Variants in PRKCE observed in about 807,000 individuals in gnomAD.
PRKCE encodes the protein protein kinase C epsilon type.
In PRKCE, 16 loss-of-function variants were observed where a neutral mutation model predicts 85.4. The ratio of observed to expected loss-of-function variants is 0.19; its 90% CI spans 0.13 to 0.28. The LOEUF (loss-of-function observed/expected upper bound fraction) is 0.28, where lower values mean the gene tolerates loss of function less well. Ranked by LOEUF, PRKCE falls within the 10% of genes least tolerant of loss-of-function variation. The probability of loss-of-function intolerance (pLI) is 1.00; values close to 1 mark genes in which losing one functional copy is unlikely to be tolerated. For synonymous variants in PRKCE, 388 were observed against 371.5 expected, an observed-to-expected ratio of 1.04 and a Z score of -0.51; for missense variants, 573 against 975.2, an observed-to-expected ratio of 0.59 and a Z score of 5.49.
chr2:46,008,742 T>TA (rs1299847840), intron 9 of PRKCE, among the ~76,000 whole-genome samples: 2 of 152,140 alleles, frequency 1.3e-5, no homozygotes, highest in Non-Finnish European at 2.9e-5. Flanking sequence ...ACTGACTAAA[T>TA]AAAAAGAGGT....
intron 14 of PRKCE, among the ~76,000 whole-genome samples, chr2:46,171,308 T>G (rs936906560): frequency 1.3e-5 from 2 of 152,062 alleles, no homozygotes; most frequent in Middle Eastern, 3.2e-3. Context: ...GCCCCTAATG[T>G]CTACGAAATA....
chr2:45,928,219 C>A (rs1698773909), intron 2 of PRKCE, among the ~76,000 whole-genome samples: 1 of 152,174 alleles, frequency 6.6e-6, no homozygotes, highest in African/African-American at 2.4e-5. Context: ...TGGTGTGTGA[C>A]CATGGGTATA....
Position 46,145,021 on chromosome 2 carries a change from A to G in PRKCE, c.1593-72A>G. Reference sequence around the variant, plus strand: ...CTGGAGATTTCCCTAAGATAGGCACATACCTCCAACTCAGGAAGACTATAT... The same window carrying G: ...CTGGAGATTTCCCTAAGATAGGCACGTACCTCCAACTCAGGAAGACTATAT... On this transcript the variant is annotated intron_variant, in intron 11 of 14. Transcript: ENST00000306156. The surrounding 1 kb of genome is among the most constrained non-coding windows in gnomAD (Gnocchi z 4.6). The G allele has an allele frequency of 1.9e-6, 3 of 1,582,122 alleles. No individual in the cohort carries two copies. The highest frequency in any genetic ancestry group is 2.6e-6 in the Non-Finnish European group (3 of 1,166,774).
At chr2:45,728,963 A>C (rs7592391) in intron 1 of PRKCE, among the ~76,000 whole-genome samples, 4,979 of 152,236 alleles carry the variant, frequency 0.033, 235 homozygotes, top group African/African-American at 0.097. Flanking sequence ...GCTGTGCTGC[A>C]CTGTGTTTGC....
At chr2:45,793,606 T>C (rs966852083) in intron 1 of PRKCE, among the ~76,000 whole-genome samples, 1 of 152,252 alleles carries the variant, frequency 6.6e-6, no homozygotes, top group African/African-American at 2.4e-5. Context: ...TCTGATGCTC[T>C]GGCCTTTGAG....
chr2:45,712,857 G>A (rs922701320), intron 1 of PRKCE, among the ~76,000 whole-genome samples: 2 of 152,140 alleles, frequency 1.3e-5, no homozygotes, highest in East Asian at 1.9e-4. Flanking sequence ...CTTGGAGGGC[G>A]GGGACCATGT....
chr2:45,687,678 G>T (rs1407196015), intron 1 of PRKCE, among the ~76,000 whole-genome samples: 1 of 152,200 alleles, frequency 6.6e-6, no homozygotes, highest in African/African-American at 2.4e-5. Flanking sequence ...GGTGGCAATA[G>T]GGATTCTAGT....
At chr2:46,058,658 A>G (rs1666833092) in intron 10 of PRKCE, among the ~76,000 whole-genome samples, 1 of 152,132 alleles carries the variant, frequency 6.6e-6, no homozygotes, top group Non-Finnish European at 1.5e-5. Flanking sequence ...AGTCTTCCAG[A>G]TGTCCCAAAT....
intron 10 of PRKCE, among the ~76,000 whole-genome samples, chr2:46,044,415 T>G (rs753742487): frequency 6.6e-6 from 1 of 152,184 alleles, no homozygotes; most frequent in Non-Finnish European, 1.5e-5. Flanking sequence ...GCTGAGCTCA[T>G]CTGGTGCTTT....
At position 45,978,968 on chromosome 2, in the gene PRKCE, C is replaced by G. The variant is rs761069011; in HGVS notation, c.573-8C>G. The G allele has an allele frequency of 2.5e-6, 4 of 1,598,172 alleles. No individual in the cohort carries two copies. Among genetic ancestry groups the G allele is most frequent in the East Asian group, 4.5e-5 (2 of 44,856 alleles). On this transcript the variant is annotated splice_region_variant and splice_polypyrimidine_tract_variant and intron_variant, in intron 3 of 14. Transcript: ENST00000306156. ...CTTTTTTTAAAAAAATGTTATTCTT[C>G]TTTTCAGGGGTGTCATAGGAAAGCA... is the stretch of plus-strand genomic sequence containing the variant.
At chr2:46,180,052 C>G (rs1400895865) in intron 14 of PRKCE, among the ~76,000 whole-genome samples, 3 of 152,204 alleles carry the variant, frequency 2.0e-5, no homozygotes, top group Non-Finnish European at 4.4e-5. Context: ...GAGTTCAACC[C>G]AGTCTCTGCC....
intron 2 of PRKCE, among the ~76,000 whole-genome samples, chr2:45,885,882 C>G (rs887206731): frequency 6.6e-6 from 1 of 152,192 alleles, no homozygotes; most frequent in Non-Finnish European, 1.5e-5. Flanking sequence ...TTTAAGTGCA[C>G]GAGGGAGCCT....
At chr2:45,990,041 G>A (rs1558928098) in intron 6 of PRKCE, among the ~76,000 whole-genome samples, 1 of 152,128 alleles carries the variant, frequency 6.6e-6, no homozygotes, top group African/African-American at 2.4e-5. Flanking sequence ...CATAACAAAT[G>A]ACCCCAGGAC....
chr2:45,670,906 C>G (rs1273666632), intron 1 of PRKCE, among the ~76,000 whole-genome samples: 2 of 152,206 alleles, frequency 1.3e-5, no homozygotes, highest in Non-Finnish European at 2.9e-5. Context: ...CTTCTGTGGC[C>G]TGAAAGCCCC....
chr2:45,865,942 C>A (rs1217150895), intron 2 of PRKCE, among the ~76,000 whole-genome samples: 1 of 151,786 alleles, frequency 6.6e-6, no homozygotes, highest in Non-Finnish European at 1.5e-5. Flanking sequence ...TTCAGCCTCC[C>A]AAGTAGCTGA....
intron 2 of PRKCE, among the ~76,000 whole-genome samples, chr2:45,918,469 C>G (rs1347626851): frequency 6.6e-6 from 1 of 152,190 alleles, no homozygotes; most frequent in Non-Finnish European, 1.5e-5. Flanking sequence ...AGCCTCTATT[C>G]AACTAGCATT....
intron 1 of PRKCE, among the ~76,000 whole-genome samples, chr2:45,808,309 A>G (rs1425381084): frequency 6.6e-6 from 1 of 152,166 alleles, no homozygotes; most frequent in African/African-American, 2.4e-5. Flanking sequence ...ATGAATTGAC[A>G]ATTGTAGGTT....
chr2:45,890,434 C>A (rs190964253), intron 2 of PRKCE, among the ~76,000 whole-genome samples: 2 of 152,228 alleles, frequency 1.3e-5, no homozygotes, highest in East Asian at 1.9e-4. Context: ...GACTGGATTG[C>A]GGTGGTGTGA....
chr2:45,893,991 A>G (rs980989011), intron 2 of PRKCE, among the ~76,000 whole-genome samples: 17 of 152,034 alleles, frequency 1.1e-4, no homozygotes, highest in African/African-American at 3.9e-4. Context: ...CCATTTGTAA[A>G]ATGGATATAA....
Sources: gnomAD v4.1 joint callset for allele counts (sites outside exome capture counted in the v4.1 genomes callset) on GRCh38, gnomAD v4.1.1 for gene constraint, Gnocchi (gnomAD v3.1) non-coding constraint, MANE v1.5 for transcripts, NCBI Gene and HGNC (gene_info 2026-07-23, HGNC 2026-07-21) for gene names.